Variants in MDGA2 observed in about 807,000 individuals in gnomAD.
The protein encoded by MDGA2 is MAM domain-containing glycosylphosphatidylinositol anchor protein 2.
A neutral mutation model predicts 117.8 loss-of-function variants in MDGA2; 40 were observed. That is an observed-to-expected ratio of 0.34 (90% CI 0.26 to 0.44). The LOEUF (loss-of-function observed/expected upper bound fraction) is 0.44, where lower values mean the gene tolerates loss of function less well. Ranked by LOEUF, MDGA2 falls within the 20% of genes least tolerant of loss-of-function variation. The probability of loss-of-function intolerance (pLI) is 1.00; values close to 1 mark genes in which losing one functional copy is unlikely to be tolerated. For missense variants in MDGA2, 1,123 were observed against 1,250.6 expected, an observed-to-expected ratio of 0.90 and a Z score of 1.54; for synonymous variants, 452 against 439.0, an observed-to-expected ratio of 1.03 and a Z score of -0.37.
At chr14:47,529,460 T>A (rs866951702) in intron 1 of MDGA2, among the ~76,000 whole-genome samples, 22 of 152,224 alleles carry the variant, frequency 1.4e-4, no homozygotes, top group Middle Eastern at 6.8e-3. Context: ...ATCCCCCCCC[T>A]CAGGTATTTA....
intron 2 of MDGA2, among the ~76,000 whole-genome samples, chr14:47,220,981 T>C (rs1358162246): frequency 6.6e-6 from 1 of 152,176 alleles, no homozygotes; most frequent in Non-Finnish European, 1.5e-5. Context: ...AACTCCCAAC[T>C]AACGAATTGT....
At position 47,675,370 on chromosome 14, in the gene MDGA2, G is replaced by C. The variant is rs1039402162; in HGVS notation, c.-574C>G. On this transcript the variant is annotated 5_prime_UTR_variant, in exon 1 of 17. Transcript: ENST00000399232. Reference sequence around the variant, plus strand: ...AGGAAGAGGAGGAGTGGGGCTAGGGGAACGGGGGTGGGGAAGAGGGAAGGG... The same window carrying C: ...AGGAAGAGGAGGAGTGGGGCTAGGGCAACGGGGGTGGGGAAGAGGGAAGGG... Among the ~76,000 whole-genome samples the C allele has an allele frequency of 1.2e-4, 17 of 146,128 alleles. No homozygotes were observed. Among genetic ancestry groups the C allele is most frequent in the African/African-American group, 4.0e-4 (16 of 39,852 alleles).
At chr14:47,095,831 T>A (rs1019997965) in intron 6 of MDGA2, among the ~76,000 whole-genome samples, 1 of 151,966 alleles carries the variant, frequency 6.6e-6, no homozygotes, top group Non-Finnish European at 1.5e-5. Context: ...AAATCACAAG[T>A]GTTTATCTCT....
At chr14:47,554,412 A>T (rs939885738) in intron 1 of MDGA2, among the ~76,000 whole-genome samples, 1 of 152,186 alleles carries the variant, frequency 6.6e-6, no homozygotes, top group Admixed American at 6.6e-5. Context: ...GTCTTCAGAG[A>T]CTACCCTGAC....
At position 47,217,805 on chromosome 14, in the gene MDGA2, G is replaced by T. The variant is rs1360497875; in HGVS notation, c.595+216C>A. Among the ~76,000 whole-genome samples the T allele has an allele frequency of 2.0e-5, 3 of 152,002 alleles. No individual in the cohort carries two copies. In the East Asian group the frequency reaches 5.8e-4, roughly 29 times the overall value. ...GTCTTCTTGTTAATATTGTTCCTAA[G>T]TGTTCCATAATGAATATGTATTATA... On this transcript the variant is annotated intron_variant, in intron 3 of 16. Transcript: ENST00000399232.
intron 1 of MDGA2, among the ~76,000 whole-genome samples, chr14:47,463,928 C>T (rs971949923): frequency 4.6e-5 from 7 of 151,918 alleles, no homozygotes; most frequent in African/African-American, 1.7e-4. Context: ...TAGTATTTTA[C>T]TTCATCACAG....
At chr14:47,455,673 G>A (rs538395286) in intron 1 of MDGA2, among the ~76,000 whole-genome samples, 43 of 152,140 alleles carry the variant, frequency 2.8e-4, no homozygotes, top group Non-Finnish European at 5.1e-4. Context: ...ATACTTATGA[G>A]TGAATGTAAA....
At chr14:46,901,338 A>G (rs1374705744) in intron 10 of MDGA2, among the ~76,000 whole-genome samples, 1 of 152,216 alleles carries the variant, frequency 6.6e-6, no homozygotes, top group African/African-American at 2.4e-5. Context: ...TATAATAATA[A>G]TAAAATTAAA....
chr14:47,006,423 T>G (rs1887712502), intron 8 of MDGA2, among the ~76,000 whole-genome samples: 1 of 137,978 alleles, frequency 7.2e-6, no homozygotes, highest in Non-Finnish European at 1.5e-5. Flanking sequence ...TATAATTATA[T>G]TATATGTATA....
At chr14:47,321,344 A>G (rs1018919808) in intron 1 of MDGA2, among the ~76,000 whole-genome samples, 10 of 152,220 alleles carry the variant, frequency 6.6e-5, no homozygotes. Context: ...CTGGTGTTTA[A>G]TAGAGCATCG....
intron 3 of MDGA2, among the ~76,000 whole-genome samples, chr14:47,208,530 C>T (rs978551798): frequency 7.0e-6 from 1 of 142,298 alleles, no homozygotes. Context: ...TCTCTAAACT[C>T]TTTTTTTTTT....
chr14:47,007,466 C>A lies in MDGA2; in HGVS notation c.1819+27545G>T, dbSNP rs576189736. Among the ~76,000 whole-genome samples the A allele has an allele frequency of 3.3e-5, 5 of 151,790 alleles. No homozygotes were observed. In the South Asian group the frequency reaches 1.0e-3, roughly 31 times the overall value. ...GAGTCTGATTGTTGGAAAGTGCTCA[C>A]CATACACCTACTCATAAAGGCTATT... On this transcript the variant is annotated intron_variant, in intron 8 of 16. Coordinates refer to ENST00000399232, the MANE Select transcript of MDGA2 (RefSeq NM_001113498.3).
chr14:47,252,798 C>T (rs1163757825), intron 2 of MDGA2, among the ~76,000 whole-genome samples: 1 of 152,102 alleles, frequency 6.6e-6, no homozygotes, highest in African/African-American at 2.4e-5. Context: ...AACATGTACA[C>T]GTGTATTAGT....
At position 46,993,659 on chromosome 14, in the gene MDGA2, C is replaced by G. The variant is rs188758543; in HGVS notation, c.1820-36016G>C. On this transcript the variant is annotated intron_variant, in intron 8 of 16. Transcript: ENST00000399232. ...GTATTTTCAGTAGAGACGGGTTTCA[C>G]CATGTTGGCCAGGCTGGTCTTGAAC... Among the ~76,000 whole-genome samples, 50 of 152,118 alleles carry G rather than the reference C, an allele frequency of 3.3e-4. No individual in the cohort carries two copies. The East Asian group carries it at 5.6e-3, about 17-fold the overall frequency.
At chr14:47,084,075 A>G (rs1890805752) in intron 6 of MDGA2, among the ~76,000 whole-genome samples, 1 of 152,156 alleles carries the variant, frequency 6.6e-6, no homozygotes, top group South Asian at 2.1e-4. Flanking sequence ...TATCAAATCA[A>G]CATTTATCGA....
At chr14:46,910,247 C>T (rs1883647215) in intron 10 of MDGA2, among the ~76,000 whole-genome samples, 1 of 152,090 alleles carries the variant, frequency 6.6e-6, no homozygotes, top group Non-Finnish European at 1.5e-5. Context: ...ATTCAATCAT[C>T]AAATCCTCCA....
chr14:47,193,189 C>T lies in MDGA2; in HGVS notation c.595+24832G>A, dbSNP rs139453373. On this transcript the variant is annotated intron_variant, in intron 3 of 16. Transcript: ENST00000399232. ...ATCGAATGCAACTTTATTTATCCTC[C>T]GTAATAACTAGATTCCAGGCAGGAT... Among the ~76,000 whole-genome samples, 1,235 of 152,220 alleles carry T rather than the reference C, an allele frequency of 8.1e-3. 6 individuals carry two copies. The highest frequency in any genetic ancestry group is 0.016 in the Admixed American group (250 of 15,284).
chr14:47,507,660 A>G (rs1042718530), intron 1 of MDGA2, among the ~76,000 whole-genome samples: 1 of 152,208 alleles, frequency 6.6e-6, no homozygotes, highest in Non-Finnish European at 1.5e-5. Context: ...CTAGTGATAT[A>G]GGTAATGCAT....
chr14:47,141,162 G>C (rs1882699940), intron 4 of MDGA2, among the ~76,000 whole-genome samples: 1 of 152,146 alleles, frequency 6.6e-6, no homozygotes, highest in Non-Finnish European at 1.5e-5. Flanking sequence ...TGGTGTGGAT[G>C]CAGAGAAAGA....
Sources: allele counts gnomAD v4.1 joint callset (sites outside exome capture counted in the v4.1 genomes callset), GRCh38; gene constraint gnomAD v4.1.1; transcripts MANE v1.5; gene names NCBI Gene and HGNC (gene_info 2026-07-23, HGNC 2026-07-21).